Variants in RHOD observed in about 807,000 individuals in gnomAD.
RHOD encodes ras homolog family member D.
Under a neutral mutation model 16.7 loss-of-function variants are expected in RHOD, and 11 were observed. The ratio of observed to expected loss-of-function variants is 0.66; its 90% CI spans 0.41 to 1.09. The LOEUF is 1.09. RHOD is among the 50% of genes least tolerant of loss of function. RHOD has a pLI of 0.00. For synonymous variants in RHOD, 124 were observed against 126.3 expected (o/e 0.98, Z 0.12); for missense variants, 271 against 291.7 (o/e 0.93, Z 0.52).
intron 1 of RHOD, among the ~76,000 whole-genome samples, chr11:67,057,999 A>G (rs577355922): frequency 6.2e-4 from 94 of 150,690 alleles, no homozygotes; most frequent in African/African-American, 2.2e-3. Flanking sequence ...CTTTTTTTTT[A>G]TTTTTATTTT....
At chr11:67,061,664 G>A (rs1449914437) in intron 1 of RHOD, among the ~76,000 whole-genome samples, 6 of 145,966 alleles carry the variant, frequency 4.1e-5, no homozygotes, top group Non-Finnish European at 3.0e-5. Context: ...AACCCGGGAG[G>A]CGGACCTTGC....
At chr11:67,065,822 C>A in intron 1 of RHOD, 74 bp from the exon 2 acceptor site, 1 of 951,120 alleles carries the variant, frequency 1.1e-6, no homozygotes, top group Non-Finnish European at 1.7e-6. Context: ...GAGGGAGCAG[C>A]GCTGTGGACA....
At chr11:67,061,802 A>G (rs1385761708) in intron 1 of RHOD, among the ~76,000 whole-genome samples, 25 of 140,092 alleles carry the variant, frequency 1.8e-4, no homozygotes, top group South Asian at 6.6e-4. Context: ...ATATATATAT[A>G]TGTGTGTGTA....
At chr11:67,070,749 A>T (rs563265814) in intron 4 of RHOD, among the ~76,000 whole-genome samples, 190 bp downstream of exon 4, 2 of 152,266 alleles carry the variant, frequency 1.3e-5, no homozygotes, top group African/African-American at 4.8e-5. Flanking sequence ...GAGCCTCCAC[A>T]GGCAAAAGGG....
Position 67,071,783 on chromosome 11 carries a change from A to C in RHOD, c.*181A>C. The C allele has an allele frequency of 1.6e-6, 1 of 625,842 alleles. No homozygotes were observed. Among genetic ancestry groups the C allele is most frequent in the Non-Finnish European group, 2.7e-6 (1 of 369,634 alleles). 38.8% of individuals were successfully genotyped at this position (625,842 alleles called of 1,614,324 possible). ...ACTGAGAAAGGGGGTTCCTGGGCCC[A>C]CCTGCTCTGTGTAGGGCTCGTCCTG... is the stretch of plus-strand genomic sequence containing the variant. On this transcript the variant is annotated 3_prime_UTR_variant, in exon 5 of 5. Transcript: ENST00000308831.
At chr11:67,064,338 G>A (rs1408840773) in intron 1 of RHOD, among the ~76,000 whole-genome samples, 3 of 149,148 alleles carry the variant, frequency 2.0e-5, no homozygotes, top group African/African-American at 4.9e-5. Context: ...CCTGGGAGGC[G>A]GAGGTTGCAG....
intron 1 of RHOD, among the ~76,000 whole-genome samples, chr11:67,061,536 G>T (rs895525160): frequency 2.6e-5 from 4 of 151,568 alleles, no homozygotes; most frequent in African/African-American, 9.7e-5. Context: ...GGAGGCTGAG[G>T]CAGGAGAATC....
intron 3 of RHOD, among the ~76,000 whole-genome samples, chr11:67,067,689 G>A (rs1018343342): frequency 6.6e-6 from 1 of 152,220 alleles, no homozygotes; most frequent in Admixed American, 6.5e-5. Flanking sequence ...GGTGCTAGCA[G>A]TGGGGGTGAC....
At chr11:67,057,105 G>A in intron 1 of RHOD, 71 bp downstream of exon 1, 2 of 1,333,072 alleles carry the variant, frequency 1.5e-6, no homozygotes, top group Non-Finnish European at 1.9e-6. Flanking sequence ...GTGCCGGAGC[G>A]GCCCAGGCTG....
At chr11:67,060,680 C>T (rs1854874744) in intron 1 of RHOD, among the ~76,000 whole-genome samples, 1 of 152,248 alleles carries the variant, frequency 6.6e-6, no homozygotes, top group African/African-American at 2.4e-5. Flanking sequence ...CTCTGGGCAT[C>T]ATCAGAAAGT....
intron 1 of RHOD, among the ~76,000 whole-genome samples, chr11:67,061,755 A>AAATATAT: frequency 7.9e-6 from 1 of 127,254 alleles, no homozygotes; most frequent in Admixed American, 8.3e-5. Flanking sequence ...AAAAAAAAAA[A>AAATATAT]ATATATATAT....
At chr11:67,067,074 T>G (rs192325328) in intron 3 of RHOD, among the ~76,000 whole-genome samples, 2 of 152,334 alleles carry the variant, frequency 1.3e-5, no homozygotes, top group East Asian at 3.9e-4. Context: ...TGACTCCCAG[T>G]ACAGTGCTCC....
chr11:67,061,080 G>T (rs1854880746), intron 1 of RHOD, among the ~76,000 whole-genome samples: 1 of 152,262 alleles, frequency 6.6e-6, no homozygotes, highest in African/African-American at 2.4e-5. Context: ...CATGGCTGGG[G>T]AGGCCTCAGG....
Position 67,065,994 on chromosome 11 carries a change from AG to A in RHOD, c.220+15del. 1 of 634,242 alleles carries A rather than the reference AG, an allele frequency of 1.6e-6. No homozygotes were observed. Among genetic ancestry groups the A allele is most frequent in the Non-Finnish European group, 2.9e-6 (1 of 344,060 alleles). The allele number at this position is 634,242 out of a possible 1,614,324, so 39.3% of individuals were successfully genotyped here. On this transcript the variant is annotated intron_variant, in intron 2 of 4. Transcript: ENST00000308831. ...TCTGGGACACAGCAGGTGGGTGTGC[AG>A]GGGTGGGGCAGGGTGGGAGGGGCTT...
chr11:67,059,898 G>T (rs1042656340), intron 1 of RHOD, among the ~76,000 whole-genome samples: 1 of 152,250 alleles, frequency 6.6e-6, no homozygotes, highest in African/African-American at 2.4e-5. Flanking sequence ...ACACAGCAAA[G>T]GGCTGAGAGC....
rs58807370 is a variant in RHOD, at chr11:67,063,508, TA to T, written c.133-2381del. ...ACCCTATCTTTTTTTTTTTTTTTTT[TA>T]AAAAAAGGCCAGGCGTGGTGGCTCA... On this transcript the variant is annotated intron_variant, in intron 1 of 4. Transcript: ENST00000308831. Among the ~76,000 whole-genome samples the T allele has an allele frequency of 1.4e-3, 181 of 131,606 alleles. No homozygotes were observed. The South Asian group carries it at 0.017, about 12-fold the overall frequency. 86.3% of individuals were successfully genotyped at this position (131,606 alleles called of 152,430 possible).
At chr11:67,064,562 A>C (rs1854936145) in intron 1 of RHOD, among the ~76,000 whole-genome samples, 1 of 151,986 alleles carries the variant, frequency 6.6e-6, no homozygotes. Context: ...CAAAGGAGGA[A>C]CCCCAAAAAG....
chr11:67,056,853 G>A lies in RHOD; in HGVS notation c.-50G>A. Reference sequence around the variant, plus strand: ...CGCCGGGCCTGCCCCGCGCAGTCTGGGTCTCTGCGCCGCAGCCGCCCGCCC... The same window carrying A: ...CGCCGGGCCTGCCCCGCGCAGTCTGAGTCTCTGCGCCGCAGCCGCCCGCCC... On this transcript the variant is annotated 5_prime_UTR_variant, in exon 1 of 5. Coordinates refer to ENST00000308831, the MANE Select transcript of RHOD (RefSeq NM_014578.4). 3 of 1,346,776 alleles carry A rather than the reference G, an allele frequency of 2.2e-6. No homozygotes were observed. The East Asian group carries it at 9.8e-5, about 44-fold the overall frequency. The allele number at this position is 1,346,776 out of a possible 1,614,324, so 83.4% of individuals were successfully genotyped here. A position where few individuals can be genotyped will look rare whatever the true frequency, so the allele number is the denominator to read the frequency against.
chr11:67,060,983 T>G (rs149955419), intron 1 of RHOD, among the ~76,000 whole-genome samples: 248 of 152,364 alleles, frequency 1.6e-3, no homozygotes, highest in African/African-American at 5.9e-3. Flanking sequence ...GGGCTGGGTG[T>G]ATTAGTCCAT....
Sources: gnomAD v4.1 joint callset for allele counts (sites outside exome capture counted in the v4.1 genomes callset) on GRCh38, gnomAD v4.1.1 for gene constraint, MANE v1.5 for transcripts, NCBI Gene and HGNC (gene_info 2026-07-23, HGNC 2026-07-21) for gene names.